XPNPEP2: variants seen among roughly 807,000 people sequenced by gnomAD.
The protein encoded by XPNPEP2 is xaa-Pro aminopeptidase 2.
A neutral mutation model predicts 59.8 loss-of-function variants in XPNPEP2; 64 were observed. That is an observed-to-expected ratio of 1.07 (90% CI 0.87 to 1.32). The LOEUF (loss-of-function observed/expected upper bound fraction) is 1.32, where lower values mean the gene tolerates loss of function less well. Among genes scored for constraint, XPNPEP2 ranks in the 40% most tolerant of loss-of-function variants. The probability of loss-of-function intolerance (pLI) is 0.00; values close to 1 mark genes in which losing one functional copy is unlikely to be tolerated. For missense variants in XPNPEP2, 575 were observed against 546.8 expected (o/e 1.05, Z -0.51); for synonymous variants, 235 against 210.0 (o/e 1.12, Z -1.03).
Position 129,757,047 on chromosome X carries a change from T to TAC in XPNPEP2, c.1367+500_1367+501dup, listed in dbSNP as rs1290556785. Among the ~76,000 whole-genome samples the TAC allele has an allele frequency of 7.6e-5, 7 of 91,773 alleles. No homozygotes were observed. In the East Asian group the frequency reaches 2.8e-3, roughly 37 times the overall value. 79.7% of individuals were successfully genotyped at this position (91,773 alleles called of 115,157 possible). A position where few individuals can be genotyped will look rare whatever the true frequency, so the allele number is the denominator to read the frequency against. The stretch of plus-strand genomic sequence containing the variant: ...ATACACACACACACACATATATATA[T>TAC]ACACACACATATATATACACACACA... On this transcript the variant is annotated intron_variant, in intron 14 of 20. Coordinates refer to ENST00000371106, the MANE Select transcript of XPNPEP2 (RefSeq NM_003399.6).
chrX:129,767,708 C>T lies in XPNPEP2; in HGVS notation c.1830+16C>T. On this transcript the variant is annotated intron_variant, in intron 20 of 20. Transcript: ENST00000371106. The stretch of plus-strand genomic sequence containing the variant: ...TCCCGAGCATGTGAGTGCCCCTCAG[C>T]ATTGCCTTCTCCCTGACCCTGGGCC... The T allele has an allele frequency of 8.3e-7, 1 of 1,206,449 alleles. No homozygotes were observed. Among genetic ancestry groups the T allele is most frequent in the Admixed American group, 2.2e-5 (1 of 46,038 alleles).
chrX:129,747,816 G>A (rs780694620), intron 7 of XPNPEP2, 63 bp downstream of exon 7: 14 of 1,198,627 alleles, frequency 1.2e-5, no homozygotes, highest in South Asian at 5.3e-5. Flanking sequence ...CTGCTATTCC[G>A]TAGGTGGCAA....
intron 17 of XPNPEP2, among the ~76,000 whole-genome samples, chrX:129,761,692 C>T (rs1342527653): frequency 8.9e-6 from 1 of 112,067 alleles, no homozygotes; most frequent in African/African-American, 3.2e-5. Context: ...GGTATGGTGG[C>T]ATGTGCCTGT....
intron 9 of XPNPEP2, 73 bp from the exon 10 acceptor site, chrX:129,752,077 A>C (rs745990596): frequency 1.8e-6 from 2 of 1,122,181 alleles, no homozygotes; most frequent in East Asian, 6.0e-5. Flanking sequence ...GAACAGAGGG[A>C]CTGTGACTGC....
chrX:129,762,123 G>A (rs1368390695), intron 18 of XPNPEP2, 58 bp downstream of exon 18: 2 of 1,141,187 alleles, frequency 1.8e-6, no homozygotes, highest in Admixed American at 2.2e-5. Context: ...ACTAGCCCAG[G>A]ACTGCAGTCT....
intron 1 of XPNPEP2, 80 bp downstream of exon 1, chrX:129,739,342 G>A: frequency 9.7e-7 from 1 of 1,029,430 alleles, no homozygotes; most frequent in South Asian, 2.0e-5. Context: ...GTGAGGGTTG[G>A]GGCCCGAGTC....
chrX:129,742,838 G>A, intron 2 of XPNPEP2, among the ~76,000 whole-genome samples: 1 of 112,114 alleles, frequency 8.9e-6, no homozygotes, highest in Non-Finnish European at 1.9e-5. Flanking sequence ...GGAAGCAGAG[G>A]TTGCAGTGAG....
intron 14 of XPNPEP2, among the ~76,000 whole-genome samples, chrX:129,757,796 G>GAAGAAAGAAAGAAAGAAAGAAAGA (rs57433903): frequency 1.5e-4 from 5 of 33,433 alleles, no homozygotes; most frequent in Admixed American, 1.1e-3. Context: ...ACTATAAAAG[G>GAAGAAAGAAAGAAAGAAAGAAAGA]AAGAAAGAAA....
chrX:129,753,630 G>A (rs1042893876), intron 11 of XPNPEP2, among the ~76,000 whole-genome samples: 23 of 110,079 alleles, frequency 2.1e-4, no homozygotes, highest in African/African-American at 7.6e-4. Context: ...GCGAGACTAG[G>A]TCAAAAAAAA....
intron 14 of XPNPEP2, among the ~76,000 whole-genome samples, chrX:129,757,899 GAA>G (rs1569477264): frequency 5.3e-3 from 90 of 16,972 alleles, no homozygotes; most frequent in African/African-American, 0.013. Flanking sequence ...GAGAGAGAAA[GAA>G]AGAAAGAAAG....
intron 15 of XPNPEP2, among the ~76,000 whole-genome samples, chrX:129,759,668 AGGGCCCTGGG>A (rs1254368963): frequency 1.8e-5 from 2 of 112,712 alleles, no homozygotes; most frequent in Non-Finnish European, 3.8e-5. Flanking sequence ...TGTGCACCAG[AGGGCCCTGGG>A]GGTGGAGCAG....
chrX:129,741,946 A>C (rs1020692084), intron 1 of XPNPEP2, among the ~76,000 whole-genome samples, 162 bp from the exon 2 acceptor site: 2 of 112,097 alleles, frequency 1.8e-5, no homozygotes, highest in African/African-American at 6.5e-5. Context: ...GTTCAGCCTG[A>C]TTTCCTATGA....
Position 129,753,973 on chromosome X carries a change from G to A in XPNPEP2, c.1108-499G>A, listed in dbSNP as rs186075220. ...CATTCTAAGTGTTAAATAAGTGTTA[G>A]CTATAATGATTTCCTCACACTGGCA... On this transcript the variant is annotated intron_variant, in intron 11 of 20. Coordinates refer to ENST00000371106, the MANE Select transcript of XPNPEP2 (RefSeq NM_003399.6). Among the ~76,000 whole-genome samples the A allele has an allele frequency of 3.6e-5, 4 of 112,429 alleles. No individual in the cohort carries two copies. In the East Asian group the frequency reaches 8.3e-4, roughly 23 times the overall value.
intron 15 of XPNPEP2, 114 bp downstream of exon 15, chrX:129,759,354 T>G: frequency 1.1e-6 from 1 of 929,384 alleles, no homozygotes; most frequent in Non-Finnish European, 1.5e-6. Context: ...TTAAGTAGTT[T>G]GCCCAAGGTG....
chrX:129,742,304 G>C, intron 2 of XPNPEP2, 123 bp downstream of exon 2: 1 of 377,894 alleles, frequency 2.6e-6, no homozygotes, highest in South Asian at 5.5e-5. Flanking sequence ...ATCCCTCATT[G>C]GGTCAGTTGG....
intron 19 of XPNPEP2, among the ~76,000 whole-genome samples, chrX:129,765,669 C>T (rs1850106110): frequency 1.1e-5 from 1 of 91,379 alleles, no homozygotes; most frequent in African/African-American, 4.3e-5. Flanking sequence ...ATGGAGTCTC[C>T]CTCTTTCTCC....
rs768579170 is a variant in XPNPEP2, at chrX:129,759,174, C to G, written c.1368-6C>G. 1.7e-6 allele frequency: 2 copies of G among 1,211,684 alleles called. No individual in the cohort carries two copies. The highest frequency in any genetic ancestry group is 5.9e-5 in the East Asian group (2 of 33,829). The stretch of plus-strand genomic sequence containing the variant: ...CATTTGGCATGTTGGTTTTCCTTCT[C>G]CATAGGGACGGGACCACAGACATCA... On this transcript the variant is annotated splice_region_variant and splice_polypyrimidine_tract_variant and intron_variant, in intron 14 of 20. Coordinates refer to ENST00000371106, the MANE Select transcript of XPNPEP2 (RefSeq NM_003399.6).
At chrX:129,751,233 T>C (rs1371674857) in intron 8 of XPNPEP2, among the ~76,000 whole-genome samples, 1 of 107,733 alleles carries the variant, frequency 9.3e-6, no homozygotes, top group Admixed American at 1.0e-4. Context: ...TCTGGCCGGG[T>C]GCGGTGACTC....
chrX:129,751,575 A>G (rs186045901), intron 8 of XPNPEP2, among the ~76,000 whole-genome samples, 170 bp from the exon 9 acceptor site: 4 of 76,879 alleles, frequency 5.2e-5, no homozygotes, highest in Non-Finnish European at 1.0e-4. Flanking sequence ...AGAAAGAAAG[A>G]AAGAAAGAAA....
Sources: allele counts gnomAD v4.1 joint callset (sites outside exome capture counted in the v4.1 genomes callset), GRCh38; gene constraint gnomAD v4.1.1; transcripts MANE v1.5; gene names NCBI Gene and HGNC (gene_info 2026-07-23, HGNC 2026-07-21).